CEP162: variants seen among roughly 807,000 people sequenced by gnomAD.
CEP162 encodes centrosomal protein of 162 kDa.
In CEP162, 141 loss-of-function variants were observed where a neutral mutation model predicts 169.2. The ratio of observed to expected loss-of-function variants is 0.83; its 90% CI spans 0.73 to 0.96. The LOEUF (loss-of-function observed/expected upper bound fraction) is 0.96, where lower values mean the gene tolerates loss of function less well. CEP162 is among the 40% of genes least tolerant of loss of function. CEP162 has a pLI of 0.00. For missense variants in CEP162, 1,600 were observed against 1,587.2 expected (o/e 1.01, Z -0.14); for synonymous variants, 540 against 526.4 (o/e 1.03, Z -0.35).
chr6:84,193,579 A>G (rs41271607), intron 11 of CEP162, 30 bp downstream of exon 11: 27,250 of 1,381,548 alleles, frequency 0.02, 335 homozygotes, highest in Non-Finnish European at 0.023. Context: ...AAAGTTTCCA[A>G]TGACAAAACA....
intron 11 of CEP162, among the ~76,000 whole-genome samples, chr6:84,192,470 G>A (rs1052283256): frequency 1.3e-5 from 2 of 152,104 alleles, no homozygotes; most frequent in African/African-American, 4.8e-5. Context: ...ATACTAATTA[G>A]CACTACAGAT....
chr6:84,174,068 G>A lies in CEP162; in HGVS notation c.2146C>T (p.Leu716Phe), dbSNP rs760206782. ...IQKEIQEQETLLQGYQQENER... is the reference protein window; with the variant it reads ...IQKEIQEQETFLQGYQQENER... ...CATACCTGTTGATATCCTTGAAGAA[G>A]TGTCTCTTGTTCTTGTATTTCTTTT... Residue 716 changes from leucine (L) to phenylalanine (F), a missense_variant, in exon 16 of 27, where the codon CTT becomes TTT. Leu to Phe is a conservative substitution (Grantham distance 22, BLOSUM62 0). Coordinates refer to ENST00000403245, the MANE Select transcript of CEP162 (RefSeq NM_014895.4). The A allele has an allele frequency of 4.3e-6, 7 of 1,612,098 alleles. No homozygotes were observed. The highest frequency in any genetic ancestry group is 5.9e-6 in the Non-Finnish European group (7 of 1,179,002).
intron 10 of CEP162, 127 bp from the exon 11 acceptor site, chr6:84,193,817 T>A: frequency 2.0e-6 from 1 of 502,568 alleles, no homozygotes; most frequent in Non-Finnish European, 3.6e-6. Context: ...ATAAACCTAG[T>A]TTTCCGTCTT....
intron 21 of CEP162, among the ~76,000 whole-genome samples, chr6:84,160,395 T>C (rs539925634): frequency 2.3e-3 from 346 of 152,234 alleles, no homozygotes; most frequent in Non-Finnish European, 3.6e-3. Context: ...AAGCTGAATG[T>C]TTTGTTTATA....
intron 21 of CEP162, among the ~76,000 whole-genome samples, chr6:84,159,541 AT>A (rs1562025485): frequency 0.013 from 515 of 40,278 alleles, 18 homozygotes; most frequent in African/African-American, 0.05. Flanking sequence ...ATATATATAT[AT>A]ATATATTTTT....
At chr6:84,145,825 G>A (rs1265330512) in intron 25 of CEP162, among the ~76,000 whole-genome samples, 5 of 152,070 alleles carry the variant, frequency 3.3e-5, no homozygotes, top group Non-Finnish European at 5.9e-5. Context: ...TACTCAAACT[G>A]TAAAAAATGC....
At chr6:84,177,207 T>A (rs2099532764) in intron 13 of CEP162, among the ~76,000 whole-genome samples, 1 of 152,164 alleles carries the variant, frequency 6.6e-6, no homozygotes, top group South Asian at 2.1e-4. Flanking sequence ...CATCTCCTCA[T>A]CCCCTTCCCT....
At chr6:84,144,042 A>G (rs1042591251) in intron 25 of CEP162, among the ~76,000 whole-genome samples, 1 of 151,962 alleles carries the variant, frequency 6.6e-6, no homozygotes, top group Non-Finnish European at 1.5e-5. Flanking sequence ...ATCCTATTTA[A>G]TCAAATGTTT....
intron 15 of CEP162, 42 bp from the exon 16 acceptor site, chr6:84,174,230 T>C (rs1479376911): frequency 6.6e-6 from 10 of 1,520,666 alleles, no homozygotes; most frequent in South Asian, 3.6e-5. Flanking sequence ...GGGAAGGAAA[T>C]GATAAGGTGA....
At chr6:84,220,566 A>G (rs771247143) in intron 3 of CEP162, among the ~76,000 whole-genome samples, 3 of 152,174 alleles carry the variant, frequency 2.0e-5, no homozygotes, top group Non-Finnish European at 4.4e-5. Flanking sequence ...TTGAAGTTAC[A>G]ATGAGCTATG....
intron 10 of CEP162, among the ~76,000 whole-genome samples, chr6:84,194,128 G>A (rs1472274022): frequency 6.6e-6 from 1 of 152,156 alleles, no homozygotes; most frequent in Non-Finnish European, 1.5e-5. Context: ...GCCAAGGCAG[G>A]TGGATCACCT....
intron 15 of CEP162, among the ~76,000 whole-genome samples, 181 bp downstream of exon 15, chr6:84,174,546 A>T (rs117718539): frequency 0.014 from 2,070 of 152,268 alleles, 19 homozygotes; most frequent in Middle Eastern, 0.024. Context: ...TTCTCCCCCA[A>T]GGGTTCAAAA....
At chr6:84,203,522 G>A (rs550536682) in intron 7 of CEP162, among the ~76,000 whole-genome samples, 64 of 152,176 alleles carry the variant, frequency 4.2e-4, no homozygotes, top group African/African-American at 1.5e-3. Flanking sequence ...ACAGCTCACC[G>A]CAGCCTTGAC....
chr6:84,227,049 CTA>C (rs1320724329), intron 1 of CEP162, among the ~76,000 whole-genome samples: 5 of 152,112 alleles, frequency 3.3e-5, no homozygotes, highest in African/African-American at 7.2e-5. Flanking sequence ...CAAATCAGTA[CTA>C]TGTTTCTTTT....
intron 13 of CEP162, among the ~76,000 whole-genome samples, chr6:84,184,449 A>T (rs2099536237): frequency 6.6e-6 from 1 of 152,106 alleles, no homozygotes; most frequent in South Asian, 2.1e-4. Context: ...CTCCATGGAA[A>T]CTGCTTGTCC....
At chr6:84,198,259 T>C (rs2099542964) in intron 9 of CEP162, among the ~76,000 whole-genome samples, 1 of 152,040 alleles carries the variant, frequency 6.6e-6, no homozygotes. Context: ...CTTTCAAGTA[T>C]ATATTTTATT....
chr6:84,189,516 A>G (rs2099538806), intron 11 of CEP162, among the ~76,000 whole-genome samples: 1 of 152,196 alleles, frequency 6.6e-6, no homozygotes, highest in African/African-American at 2.4e-5. Context: ...CACCCGGGCC[A>G]GTGGCTGCAG....
At chr6:84,150,224 T>C (rs1028828388) in intron 23 of CEP162, among the ~76,000 whole-genome samples, 11 of 148,606 alleles carry the variant, frequency 7.4e-5, no homozygotes, top group Non-Finnish European at 1.5e-4. Flanking sequence ...TGCAATTAAT[T>C]AATTGGACTG....
intron 26 of CEP162, 136 bp downstream of exon 26, chr6:84,126,242 T>C: frequency 1.9e-6 from 1 of 536,518 alleles, no homozygotes. Flanking sequence ...TATAAATTTA[T>C]TAAATTTTTA....
Sources: gnomAD v4.1 joint callset for allele counts (sites outside exome capture counted in the v4.1 genomes callset) on GRCh38, gnomAD v4.1.1 for gene constraint, MANE v1.5 for transcripts, NCBI Gene and HGNC (gene_info 2026-07-23, HGNC 2026-07-21) for gene names.